The following OPCML variants were observed in gnomAD, a reference collection of about 807,000 sequenced individuals.
The protein encoded by OPCML is opioid-binding protein/cell adhesion molecule.
A neutral mutation model predicts 37.8 loss-of-function variants in OPCML; 13 were observed. The observed-to-expected ratio is 0.34, with a 90% CI of 0.22 to 0.55. OPCML has a LOEUF of 0.55. Ranked by LOEUF, OPCML falls within the 20% of genes least tolerant of loss-of-function variation. The probability of loss-of-function intolerance (pLI) is 0.91; values close to 1 mark genes in which losing one functional copy is unlikely to be tolerated. For synonymous variants in OPCML, 176 were observed against 168.8 expected (o/e 1.04, Z -0.33); for missense variants, 341 against 435.6 (o/e 0.78, Z 1.93).
intron 1 of OPCML, among the ~76,000 whole-genome samples, chr11:133,359,291 G>T (rs1343850129): frequency 2.6e-5 from 4 of 152,130 alleles, no homozygotes; most frequent in Non-Finnish European, 5.9e-5. Context: ...GTCTGTGGCT[G>T]CTGAGCTGAT....
At chr11:133,400,153 C>T (rs1017749302) in intron 1 of OPCML, among the ~76,000 whole-genome samples, 1 of 152,104 alleles carries the variant, frequency 6.6e-6, no homozygotes, top group Non-Finnish European at 1.5e-5. Context: ...GTTCCAAATG[C>T]CCAGCAGGAG....
At chr11:132,903,692 G>A (rs563932021) in intron 2 of OPCML, among the ~76,000 whole-genome samples, 1 of 152,236 alleles carries the variant, frequency 6.6e-6, no homozygotes, top group South Asian at 2.1e-4. Context: ...AGAGAAAGAA[G>A]GGGTCAGTCC....
chr11:133,102,993 G>A (rs1446415365), intron 1 of OPCML, among the ~76,000 whole-genome samples: 2 of 152,168 alleles, frequency 1.3e-5, no homozygotes, highest in Admixed American at 6.5e-5. Context: ...GGCTCCTGGG[G>A]AGAGTATCCC....
chr11:132,531,701 A>G (rs1364894385), intron 3 of OPCML, among the ~76,000 whole-genome samples: 1 of 152,168 alleles, frequency 6.6e-6, no homozygotes, highest in Non-Finnish European at 1.5e-5. Flanking sequence ...ATGCTGGGAA[A>G]AAAATAGTGT....
At chr11:132,620,823 C>A (rs963130278) in intron 3 of OPCML, among the ~76,000 whole-genome samples, 2 of 152,274 alleles carry the variant, frequency 1.3e-5, no homozygotes, top group East Asian at 3.9e-4. Flanking sequence ...CCATCCATGG[C>A]CCCTGCAGCA....
chr11:132,803,989 C>T (rs1938844156), intron 2 of OPCML, among the ~76,000 whole-genome samples: 1 of 152,174 alleles, frequency 6.6e-6, no homozygotes, highest in Non-Finnish European at 1.5e-5. Flanking sequence ...AGACACATTA[C>T]ATAAATAATT....
intron 1 of OPCML, among the ~76,000 whole-genome samples, chr11:133,529,786 A>C (rs577433180): frequency 2.0e-5 from 3 of 152,320 alleles, no homozygotes; most frequent in African/African-American, 7.2e-5. Context: ...TTTGAAACAA[A>C]GAAAAAAAAG....
At chr11:133,155,347 T>C (rs1167574037) in intron 1 of OPCML, among the ~76,000 whole-genome samples, 1 of 152,190 alleles carries the variant, frequency 6.6e-6, no homozygotes, top group East Asian at 1.9e-4. Context: ...ATTGAATCTG[T>C]CGAGCTCTGA....
intron 2 of OPCML, among the ~76,000 whole-genome samples, chr11:132,773,694 G>T (rs1268027884): frequency 6.6e-6 from 1 of 152,154 alleles, no homozygotes; most frequent in Non-Finnish European, 1.5e-5. Context: ...CATAGAGGAT[G>T]CATTTCCATC....
intron 1 of OPCML, among the ~76,000 whole-genome samples, chr11:133,514,375 G>A (rs968544287): frequency 6.6e-6 from 1 of 152,194 alleles, no homozygotes; most frequent in Non-Finnish European, 1.5e-5. Context: ...TCCCAAAAGG[G>A]ACTGAAGAGA....
chr11:132,703,588 A>C (rs1277545172), intron 2 of OPCML, among the ~76,000 whole-genome samples: 1 of 152,180 alleles, frequency 6.6e-6, no homozygotes, highest in Non-Finnish European at 1.5e-5. Context: ...GGTAGGGTCT[A>C]CCAGTAGGCT....
chr11:132,782,067 T>A (rs1022011511), intron 2 of OPCML, among the ~76,000 whole-genome samples: 2 of 151,272 alleles, frequency 1.3e-5, no homozygotes, highest in Non-Finnish European at 2.9e-5. Flanking sequence ...GCCCCTCTCT[T>A]CCACTCTGAG....
At chr11:132,868,285 T>C (rs1056921302) in intron 2 of OPCML, among the ~76,000 whole-genome samples, 10 of 148,854 alleles carry the variant, frequency 6.7e-5, no homozygotes, top group Non-Finnish European at 4.4e-5. Context: ...TATTTTTCCA[T>C]TGAGGCTGTG....
chr11:132,617,092 T>A (rs1313659896), intron 3 of OPCML, among the ~76,000 whole-genome samples: 5 of 152,232 alleles, frequency 3.3e-5, no homozygotes, highest in Non-Finnish European at 7.3e-5. Context: ...AGTAGTCTAG[T>A]CCTACTCGAA....
intron 1 of OPCML, among the ~76,000 whole-genome samples, chr11:133,058,558 A>G (rs774383695): frequency 5.9e-5 from 9 of 151,852 alleles, no homozygotes; most frequent in African/African-American, 9.7e-5. Flanking sequence ...TTTATGATGC[A>G]CCTCCTAGAG....
chr11:133,007,234 G>T (rs532964101), intron 1 of OPCML: 1 of 985,278 alleles, frequency 1.0e-6, no homozygotes. Context: ...CCCACCCTCC[G>T]TTTATTTTAG....
intron 1 of OPCML, among the ~76,000 whole-genome samples, chr11:133,244,335 A>C (rs1350993318): frequency 6.6e-6 from 1 of 152,076 alleles, no homozygotes; most frequent in African/African-American, 2.4e-5. Flanking sequence ...GATAAACCCA[A>C]ACACTAAGAG....
At chr11:132,480,422 G>A (rs887224832) in intron 4 of OPCML, among the ~76,000 whole-genome samples, 2 of 152,194 alleles carry the variant, frequency 1.3e-5, no homozygotes, top group Admixed American at 6.5e-5. Flanking sequence ...TGGGGAGAAT[G>A]GAACCAAGTT....
chr11:133,233,007 G>C (rs1325030936), intron 1 of OPCML, among the ~76,000 whole-genome samples: 3 of 152,168 alleles, frequency 2.0e-5, no homozygotes, highest in Non-Finnish European at 4.4e-5. Flanking sequence ...ATGGAACTGG[G>C]TACCTGGACT....
Sources: gnomAD v4.1 joint callset for allele counts (sites outside exome capture counted in the v4.1 genomes callset) on GRCh38, gnomAD v4.1.1 for gene constraint, MANE v1.5 for transcripts, NCBI Gene and HGNC (gene_info 2026-07-23, HGNC 2026-07-21) for gene names.